KHDRBS2: variants seen among roughly 807,000 people sequenced by gnomAD.
KHDRBS2 encodes the protein KH RNA binding domain containing, signal transduction associated 2.
In KHDRBS2, 26 loss-of-function variants were observed where a neutral mutation model predicts 44.3. That is an observed-to-expected ratio of 0.59 (90% CI 0.43 to 0.81). KHDRBS2 has a LOEUF of 0.81. KHDRBS2 is among the 40% of genes least tolerant of loss of function. The pLI is 0.00. For synonymous variants in KHDRBS2, 194 were observed against 151.1 expected, an observed-to-expected ratio of 1.28 and a Z score of -2.08; for missense variants, 476 against 433.1, an observed-to-expected ratio of 1.10 and a Z score of -0.88.
chr6:61,742,483 T>C (rs1285078801), intron 6 of KHDRBS2, among the ~76,000 whole-genome samples: 1 of 152,094 alleles, frequency 6.6e-6, no homozygotes, highest in Non-Finnish European at 1.5e-5. Context: ...TAATTTTCCA[T>C]GTATTTTTTC....
chr6:62,241,737 C>A (rs1471880735), intron 1 of KHDRBS2, among the ~76,000 whole-genome samples: 1,965 of 152,122 alleles, frequency 0.013, 34 homozygotes, highest in African/African-American at 0.045. Flanking sequence ...GGCATGATGC[C>A]TGGGACATAG....
chr6:62,019,128 C>G (rs1377346486), intron 3 of KHDRBS2, among the ~76,000 whole-genome samples: 18 of 151,964 alleles, frequency 1.2e-4, no homozygotes, highest in Non-Finnish European at 4.4e-5. Context: ...TTTAATAACT[C>G]TGATGTTTCT....
intron 2 of KHDRBS2, among the ~76,000 whole-genome samples, chr6:62,118,577 G>C (rs1414611118): frequency 6.6e-6 from 1 of 152,092 alleles, no homozygotes; most frequent in Non-Finnish European, 1.5e-5. Flanking sequence ...TTGTTTCCGG[G>C]GGTGTCACCA....
chr6:61,724,220 T>C (rs6940736), intron 7 of KHDRBS2, among the ~76,000 whole-genome samples: 1 of 151,942 alleles, frequency 6.6e-6, no homozygotes, highest in South Asian at 2.1e-4. Flanking sequence ...CAAACTAAGC[T>C]TCATAAATGA....
intron 6 of KHDRBS2, among the ~76,000 whole-genome samples, chr6:61,736,197 T>C (rs1427095688): frequency 7.5e-6 from 1 of 132,794 alleles, no homozygotes; most frequent in African/African-American, 2.9e-5. Context: ...TATCTCTTAT[T>C]CTTTTTACTT....
intron 8 of KHDRBS2, among the ~76,000 whole-genome samples, chr6:61,684,020 A>G (rs759967333): frequency 6.6e-6 from 1 of 151,972 alleles, no homozygotes; most frequent in Non-Finnish European, 1.5e-5. Context: ...TGGTAACAAT[A>G]GCAAAGAGAG....
chr6:62,123,276 A>G (rs1808138484), intron 2 of KHDRBS2, among the ~76,000 whole-genome samples: 2 of 151,996 alleles, frequency 1.3e-5, no homozygotes, highest in Admixed American at 1.3e-4. Flanking sequence ...TATGTGCCAC[A>G]TTTTCTTAAT....
chr6:61,984,060 A>G (rs1008583961), intron 3 of KHDRBS2, among the ~76,000 whole-genome samples: 3 of 152,162 alleles, frequency 2.0e-5, no homozygotes, highest in African/African-American at 7.2e-5. Flanking sequence ...CATAAACACC[A>G]AAAGATTTAT....
intron 1 of KHDRBS2, among the ~76,000 whole-genome samples, chr6:62,250,057 A>C (rs1002990762): frequency 5.8e-4 from 89 of 152,172 alleles, no homozygotes; most frequent in African/African-American, 2.1e-3. Flanking sequence ...CGTATGCTTT[A>C]AGATGATAAA....
intron 1 of KHDRBS2, among the ~76,000 whole-genome samples, chr6:62,231,644 C>T (rs1392052192): frequency 3.9e-5 from 6 of 152,196 alleles, no homozygotes; most frequent in East Asian, 3.9e-4. Context: ...TACATCAAGC[C>T]TAATAAATTA....
At chr6:61,848,530 T>TGTATATATGTATATATATAC (rs1794880405) in intron 6 of KHDRBS2, among the ~76,000 whole-genome samples, 1 of 43,614 alleles carries the variant, frequency 2.3e-5, no homozygotes, top group Non-Finnish European at 4.5e-5. Flanking sequence ...TATATATATA[T>TGTATATATGTATATATATAC]ACATATATAT....
At chr6:62,042,790 A>G (rs1786820945) in intron 3 of KHDRBS2, among the ~76,000 whole-genome samples, 1 of 152,180 alleles carries the variant, frequency 6.6e-6, no homozygotes, top group South Asian at 2.1e-4. Flanking sequence ...GAAATATTCT[A>G]GAATAGAAAC....
intron 2 of KHDRBS2, among the ~76,000 whole-genome samples, chr6:62,054,863 T>C (rs939951815): frequency 2.6e-5 from 4 of 152,012 alleles, no homozygotes; most frequent in African/African-American, 7.2e-5. Context: ...GAAGTTTAAG[T>C]TTGTGGTGAT....
At chr6:61,850,958 T>C (rs1390354558) in intron 6 of KHDRBS2, among the ~76,000 whole-genome samples, 2 of 152,070 alleles carry the variant, frequency 1.3e-5, no homozygotes, top group East Asian at 1.9e-4. Context: ...AGATTACTTG[T>C]CTAAGAAATA....
At chr6:61,769,648 G>A (rs1780542159) in intron 6 of KHDRBS2, among the ~76,000 whole-genome samples, 1 of 152,170 alleles carries the variant, frequency 6.6e-6, no homozygotes, top group African/African-American at 2.4e-5. Flanking sequence ...GCCCGCCATT[G>A]CCGAGTTACT....
At chr6:62,086,119 T>C (rs2127359241) in intron 2 of KHDRBS2, among the ~76,000 whole-genome samples, 1 of 152,298 alleles carries the variant, frequency 6.6e-6, no homozygotes. Flanking sequence ...TAATTGTGTC[T>C]GGCAATTCCA....
chr6:61,668,960 C>G, the KHDRBS2 span, among the ~76,000 whole-genome samples: 2 of 150,966 alleles, frequency 1.3e-5, no homozygotes, highest in African/African-American at 4.8e-5. Flanking sequence ...GACTATTTTT[C>G]TAGAGGGACA....
intron 3 of KHDRBS2, among the ~76,000 whole-genome samples, chr6:62,000,520 T>A (rs1778035829): frequency 6.6e-6 from 1 of 152,070 alleles, no homozygotes; most frequent in Non-Finnish European, 1.5e-5. Flanking sequence ...GATAGGAAAG[T>A]GAGAAAAAAA....
chr6:62,043,388 C>T (rs1294670805), intron 3 of KHDRBS2, among the ~76,000 whole-genome samples: 2 of 152,090 alleles, frequency 1.3e-5, no homozygotes, highest in African/African-American at 4.8e-5. Context: ...ACTTTCTAAA[C>T]TGCTAGTTAA....
Sources: allele counts gnomAD v4.1 joint callset (sites outside exome capture counted in the v4.1 genomes callset), GRCh38; gene constraint gnomAD v4.1.1; transcripts MANE v1.5; gene names NCBI Gene and HGNC (gene_info 2026-07-23, HGNC 2026-07-21).